The following AKAP6 variants were observed in gnomAD, a reference collection of about 807,000 sequenced individuals.
AKAP6 encodes A-kinase anchor protein 6.
Under a neutral mutation model 188.5 loss-of-function variants are expected in AKAP6, and 58 were observed. That is an observed-to-expected ratio of 0.31 (90% CI 0.25 to 0.38). The LOEUF (loss-of-function observed/expected upper bound fraction) is 0.38. Among genes scored for constraint, AKAP6 ranks in the 10% least tolerant of loss-of-function variants. The pLI, the probability that AKAP6 is intolerant of heterozygous loss-of-function variation, is 1.00. For missense variants in AKAP6, 2,710 were observed against 2,740.0 expected, an observed-to-expected ratio of 0.99 and a Z score of 0.24; for synonymous variants, 989 against 998.6, an observed-to-expected ratio of 0.99 and a Z score of 0.18.
intron 9 of AKAP6, among the ~76,000 whole-genome samples, chr14:32,699,049 C>T (rs1890520691): frequency 6.6e-6 from 1 of 152,028 alleles, no homozygotes; most frequent in Admixed American, 6.6e-5. Flanking sequence ...TTATGAAGTC[C>T]TAGGTTGATC....
At chr14:32,798,891 A>T (rs1052569914) in intron 12 of AKAP6, among the ~76,000 whole-genome samples, 8 of 152,178 alleles carry the variant, frequency 5.3e-5, no homozygotes, top group African/African-American at 1.9e-4. Context: ...GAAAAAAAAA[A>T]ATAATACCTG....
At chr14:32,361,035 C>T (rs1160365834) in intron 1 of AKAP6, among the ~76,000 whole-genome samples, 2 of 133,114 alleles carry the variant, frequency 1.5e-5, no homozygotes, top group East Asian at 2.8e-4. Flanking sequence ...AGGTGTGAGC[C>T]ACTGCACAAG....
intron 12 of AKAP6, among the ~76,000 whole-genome samples, chr14:32,784,402 T>C (rs949791986): frequency 6.6e-6 from 1 of 152,214 alleles, no homozygotes; most frequent in African/African-American, 2.4e-5. Context: ...CAAACCTCTC[T>C]ACTGAACAGG....
At chr14:32,492,198 A>G (rs1199082980) in intron 2 of AKAP6, among the ~76,000 whole-genome samples, 1 of 151,564 alleles carries the variant, frequency 6.6e-6, no homozygotes, top group Non-Finnish European at 1.5e-5. Flanking sequence ...GCTCTCTCTT[A>G]CTTGGCCTTT....
intron 7 of AKAP6, among the ~76,000 whole-genome samples, chr14:32,615,905 T>C (rs1418590853): frequency 6.6e-6 from 1 of 152,164 alleles, no homozygotes; most frequent in East Asian, 1.9e-4. Context: ...AAACCATTAC[T>C]TTTTAACCTC....
chr14:32,451,358 T>A (rs1458965724), intron 2 of AKAP6, among the ~76,000 whole-genome samples: 1 of 152,200 alleles, frequency 6.6e-6, no homozygotes, highest in Non-Finnish European at 1.5e-5. Flanking sequence ...ATTTTCTGCT[T>A]CCTTCCATTT....
At chr14:32,770,727 T>C (rs1438127034) in intron 11 of AKAP6, among the ~76,000 whole-genome samples, 1 of 152,236 alleles carries the variant, frequency 6.6e-6, no homozygotes, top group East Asian at 1.9e-4. Context: ...CAATAGCAAC[T>C]TGCACATACT....
intron 8 of AKAP6, among the ~76,000 whole-genome samples, chr14:32,690,120 C>CAT (rs57419513): frequency 1.2e-4 from 18 of 148,992 alleles, no homozygotes; most frequent in African/African-American, 3.7e-4. Flanking sequence ...CACACACACA[C>CAT]GATTACTCAG....
intron 1 of AKAP6, among the ~76,000 whole-genome samples, chr14:32,428,720 G>A (rs1025527617): frequency 3.3e-5 from 5 of 152,190 alleles, no homozygotes; most frequent in Non-Finnish European, 7.3e-5. Context: ...TGATTTAAAT[G>A]TGTTTGTTTA....
intron 8 of AKAP6, among the ~76,000 whole-genome samples, chr14:32,683,018 AAG>A (rs1329080379): frequency 1.1e-4 from 10 of 93,508 alleles, no homozygotes; most frequent in Admixed American, 3.2e-4. Context: ...TTTTGAGACA[AAG>A]CCTTGCTCTG....
At chr14:32,649,315 A>T (rs1183265185) in intron 7 of AKAP6, among the ~76,000 whole-genome samples, 1 of 152,210 alleles carries the variant, frequency 6.6e-6, no homozygotes, top group Non-Finnish European at 1.5e-5. Context: ...GGAATAAAGC[A>T]GAAGAACCCA....
intron 10 of AKAP6, chr14:32,734,747 G>T (rs1470367860): frequency 6.6e-6 from 1 of 152,060 alleles, no homozygotes; most frequent in Non-Finnish European, 1.5e-5. Context: ...GTGTTGCCAA[G>T]AAAGGCTATT....
intron 12 of AKAP6, among the ~76,000 whole-genome samples, chr14:32,799,976 G>A (rs1370080874): frequency 1.3e-5 from 2 of 150,664 alleles, no homozygotes; most frequent in South Asian, 2.1e-4. Context: ...TTGGGAGGCC[G>A]AGGTGGGCGG....
intron 2 of AKAP6, among the ~76,000 whole-genome samples, chr14:32,480,761 G>A (rs1437024973): frequency 6.6e-6 from 1 of 152,146 alleles, no homozygotes; most frequent in Non-Finnish European, 1.5e-5. Flanking sequence ...GCCCAGGTCT[G>A]ATTCTTCTTA....
At chr14:32,351,562 C>CAA (rs71432045) in intron 1 of AKAP6, among the ~76,000 whole-genome samples, 13,556 of 116,244 alleles carry the variant, frequency 0.12, 747 homozygotes, top group African/African-American at 0.17. Flanking sequence ...GACTTCATCT[C>CAA]AAAAAAAAAA....
intron 3 of AKAP6, among the ~76,000 whole-genome samples, chr14:32,536,398 G>T (rs1364090003): frequency 6.6e-6 from 1 of 152,192 alleles, no homozygotes; most frequent in Non-Finnish European, 1.5e-5. Context: ...AGATAAGAAA[G>T]AGAATGGCAG....
intron 4 of AKAP6, among the ~76,000 whole-genome samples, chr14:32,573,731 AT>A (rs572522238): frequency 6.2e-4 from 94 of 152,188 alleles, no homozygotes; most frequent in African/African-American, 2.0e-3. Context: ...TAATTTTTAA[AT>A]TTTTTTTCCA....
intron 2 of AKAP6, among the ~76,000 whole-genome samples, chr14:32,479,175 C>A (rs1191414744): frequency 1.3e-5 from 2 of 152,066 alleles, no homozygotes; most frequent in African/African-American, 2.4e-5. Context: ...GATTACATGA[C>A]TGATACATAT....
chr14:32,601,279 T>C (rs1313710104), intron 7 of AKAP6, among the ~76,000 whole-genome samples: 1 of 152,186 alleles, frequency 6.6e-6, no homozygotes, highest in Non-Finnish European at 1.5e-5. Flanking sequence ...AATTAGGGGA[T>C]GGTCATTGTA....
Sources: allele counts gnomAD v4.1 joint callset (sites outside exome capture counted in the v4.1 genomes callset), GRCh38; gene constraint gnomAD v4.1.1; transcripts MANE v1.5; gene names NCBI Gene and HGNC (gene_info 2026-07-23, HGNC 2026-07-21).